Variants in UBE2K observed in about 807,000 individuals in gnomAD.
UBE2K encodes ubiquitin conjugating enzyme E2 K.
In UBE2K, 6 loss-of-function variants were observed where a neutral mutation model predicts 30.0. The observed-to-expected ratio is 0.20, with a 90% CI of 0.11 to 0.39. The LOEUF (loss-of-function observed/expected upper bound fraction) is 0.39, where lower values mean the gene tolerates loss of function less well. UBE2K is among the 10% of genes least tolerant of loss of function. The probability of loss-of-function intolerance (pLI) is 1.00; values close to 1 mark genes in which losing one functional copy is unlikely to be tolerated. For synonymous variants in UBE2K, 86 were observed against 83.7 expected, an observed-to-expected ratio of 1.03 and a Z score of -0.15; for missense variants, 61 against 241.6, an observed-to-expected ratio of 0.25 and a Z score of 4.96.
intron 1 of UBE2K, among the ~76,000 whole-genome samples, chr4:39,728,818 G>GTTTTTTTTTTTTTT (rs150967559): frequency 7.7e-6 from 1 of 129,908 alleles, no homozygotes; most frequent in Non-Finnish European, 1.8e-5. Flanking sequence ...GGTTTTTTTT[G>GTTTTTTTTTTTTTT]TTTTTTTTGT....
intron 4 of UBE2K, among the ~76,000 whole-genome samples, chr4:39,759,229 G>A (rs1315479322): frequency 2.6e-5 from 4 of 152,018 alleles, no homozygotes; most frequent in East Asian, 3.9e-4. Flanking sequence ...ATCTAGGGGT[G>A]ATGATATACC....
chr4:39,701,112 C>T (rs1717985121), intron 1 of UBE2K, among the ~76,000 whole-genome samples: 1 of 151,612 alleles, frequency 6.6e-6, no homozygotes, highest in Admixed American at 6.6e-5. Context: ...TCCCTTAAGA[C>T]AGTGTTTGGA....
intron 1 of UBE2K, among the ~76,000 whole-genome samples, chr4:39,725,120 A>G (rs924701863): frequency 1.3e-5 from 2 of 151,946 alleles, no homozygotes; most frequent in African/African-American, 4.8e-5. Context: ...GTGGCTGACA[A>G]TTGTAATCCC....
In UBE2K at chr4:39,698,314, C is replaced by T. The variant is rs1171688764; in HGVS notation, c.-14C>T. The T allele has an allele frequency of 1.2e-6, 2 of 1,609,748 alleles. No homozygotes were observed. The highest frequency in any genetic ancestry group is 1.7e-5 in the Admixed American group (1 of 59,366). On this transcript the variant is annotated 5_prime_UTR_variant, in exon 1 of 7. Coordinates refer to ENST00000261427, the MANE Select transcript of UBE2K (RefSeq NM_005339.5). ...GGCGGAGGAGGCGGGTACGAATCAG[C>T]TGCGGGCGGAGACATGGCCAACATC... is the stretch of plus-strand genomic sequence containing the variant.
Position 39,714,537 on chromosome 4 carries a change from TATATATATA to T in UBE2K, c.63+16148_63+16156del, listed in dbSNP as rs1207258814. 132 of 43,244 alleles carry T rather than the reference TATATATATA, an allele frequency of 3.1e-3. 18 individuals are homozygous for T. Among genetic ancestry groups the T allele is most frequent in the African/African-American group, 0.024 (127 of 5,188 alleles). 2.7% of individuals were successfully genotyped at this position (43,244 alleles called of 1,614,324 possible). On this transcript the variant is annotated intron_variant, in intron 1 of 6. Transcript: ENST00000261427. Reference sequence around the variant, plus strand: ...AGTTTCATATATATATATATATATATATATATATATATATTTTTTTTTTTTTTTAAGACT... The same window carrying T: ...AGTTTCATATATATATATATATATATTATATTTTTTTTTTTTTTTAAGACT...
chr4:39,737,943 C>T (rs1418959200), intron 2 of UBE2K, among the ~76,000 whole-genome samples: 2 of 152,114 alleles, frequency 1.3e-5, no homozygotes, highest in Non-Finnish European at 2.9e-5. Context: ...CTCATGTCTT[C>T]ATACAGGCTG....
rs548057194 is a variant in UBE2K, at chr4:39,731,901, A to G, written c.64-5519A>G. The stretch of plus-strand genomic sequence containing the variant: ...TGGCTTGACTAGGAAACAAATAATA[A>G]TTTTTTTATATCAATAAGAATTACT... On this transcript the variant is annotated intron_variant, in intron 1 of 6. Coordinates refer to ENST00000261427, the MANE Select transcript of UBE2K (RefSeq NM_005339.5). 2.0e-5 allele frequency among the ~76,000 whole-genome samples: 3 copies of G among 152,256 alleles called. No individual in the cohort carries two copies. In the East Asian group the frequency reaches 5.8e-4, roughly 29 times the overall value.
chr4:39,726,381 G>T (rs7656723), intron 1 of UBE2K, among the ~76,000 whole-genome samples: 19,660 of 151,874 alleles, frequency 0.13, 1,371 homozygotes, highest in East Asian at 0.22. Context: ...TCACCCAGTT[G>T]CTTTTTCTTT....
Position 39,706,471 on chromosome 4 carries a change from C to CTT in UBE2K, c.63+8097_63+8098dup, listed in dbSNP as rs35941407. 4.0e-4 allele frequency among the ~76,000 whole-genome samples: 54 copies of CTT among 133,542 alleles called. 1 individual carries two copies. Among genetic ancestry groups the CTT allele is most frequent in the African/African-American group, 5.8e-4 (21 of 36,458 alleles). 87.6% of individuals were successfully genotyped at this position (133,542 alleles called of 152,430 possible). A position where few individuals can be genotyped will look rare whatever the true frequency, so the allele number is the denominator to read the frequency against. ...AGCCACCATGCCTGGCATGCCTGGA[C>CTT]TTTTTTTTTTTTTTTTTCCCAGATG... is the stretch of plus-strand genomic sequence containing the variant. On this transcript the variant is annotated intron_variant, in intron 1 of 6. Transcript: ENST00000261427.
rs1213482099 is a variant in UBE2K, at chr4:39,752,326, TTTTTTTTTC to T, written c.217-3322_217-3314del. ...CGCCTGGCTAATTTTTTTTTTTTTC[TTTTTTTTTC>T]TTTTTTTTTTTTTTTTTTTGAGACG... On this transcript the variant is annotated intron_variant, in intron 3 of 6. Transcript: ENST00000261427. Among the ~76,000 whole-genome samples, 268 of 95,332 alleles carry T rather than the reference TTTTTTTTTC, an allele frequency of 2.8e-3. 11 individuals carry two copies. Among genetic ancestry groups the T allele is most frequent in the African/African-American group, 0.01 (253 of 25,124 alleles). The allele number at this position is 95,332 out of a possible 152,430, so 62.5% of individuals were successfully genotyped here. A position where few individuals can be genotyped will look rare whatever the true frequency, so the allele number is the denominator to read the frequency against.
At chr4:39,713,286 A>ATTTTTTTTTTTTTTTTTTTTTTTT (rs56104487) in intron 1 of UBE2K, among the ~76,000 whole-genome samples, 2 of 83,582 alleles carry the variant, frequency 2.4e-5, no homozygotes, top group Admixed American at 1.8e-4. Flanking sequence ...TCTGTAGGAA[A>ATTTTTTTTTTTTTTTTTTTTTTTT]TTTTTTTTTT....
At chr4:39,741,252 C>T (rs1488133571) in intron 2 of UBE2K, among the ~76,000 whole-genome samples, 2 of 151,966 alleles carry the variant, frequency 1.3e-5, no homozygotes, top group African/African-American at 4.8e-5. Flanking sequence ...GCCTGGGCGA[C>T]AGAGGGAGAC....
chr4:39,713,165 T>C (rs1198338448), intron 1 of UBE2K, among the ~76,000 whole-genome samples: 1 of 149,916 alleles, frequency 6.7e-6, no homozygotes, highest in Non-Finnish European at 1.5e-5. Flanking sequence ...TGCCCGGCCA[T>C]GTTTACATTC....
intron 1 of UBE2K, among the ~76,000 whole-genome samples, chr4:39,723,283 T>C (rs1578437437): frequency 1.3e-5 from 2 of 148,688 alleles, no homozygotes; most frequent in South Asian, 4.2e-4. Context: ...GCTCAAGCAA[T>C]CCACCTGCCT....
intron 2 of UBE2K, among the ~76,000 whole-genome samples, chr4:39,740,837 T>C (rs1258615497): frequency 5.8e-4 from 76 of 130,264 alleles, no homozygotes; most frequent in African/African-American, 2.2e-3. Context: ...CACTCCAGCC[T>C]GGGCAACAGA....
chr4:39,768,613 T>TTCAAGCGATCTTCCTGCC (rs2109399107), intron 4 of UBE2K, among the ~76,000 whole-genome samples: 1 of 152,100 alleles, frequency 6.6e-6, no homozygotes, highest in East Asian at 1.9e-4. Context: ...AACCCCTGGG[T>TTCAAGCGATCTTCCTGCC]TCAAGCGATC....
At chr4:39,704,511 A>G (rs1204984820) in intron 1 of UBE2K, among the ~76,000 whole-genome samples, 1 of 151,966 alleles carries the variant, frequency 6.6e-6, no homozygotes, top group African/African-American at 2.4e-5. Flanking sequence ...GCGTAGGTTT[A>G]GACACATCTG....
rs1390480227 is a variant in UBE2K at position 39,774,944 on chromosome 4, C to T, written c.399+11C>T. ...GTAGTAGCAAATCAGGTAAGATGGCCGCTTTTGAAAGACTTTCTTATATTA... is the reference window on the plus strand; with the variant it reads ...GTAGTAGCAAATCAGGTAAGATGGCTGCTTTTGAAAGACTTTCTTATATTA... On this transcript the variant is annotated intron_variant, in intron 5 of 6. Coordinates refer to ENST00000261427, the MANE Select transcript of UBE2K (RefSeq NM_005339.5). 3 of 1,580,182 alleles carry T rather than the reference C, an allele frequency of 1.9e-6. No homozygotes were observed. The highest frequency in any genetic ancestry group is 8.6e-7 in the Non-Finnish European group (1 of 1,158,520).
At chr4:39,703,698 T>G (rs1055006943) in intron 1 of UBE2K, among the ~76,000 whole-genome samples, 1 of 151,530 alleles carries the variant, frequency 6.6e-6, no homozygotes, top group African/African-American at 2.4e-5. Context: ...AATACAAAAA[T>G]TAGCCGGGCA....
Sources: gnomAD v4.1 joint callset for allele counts (sites outside exome capture counted in the v4.1 genomes callset) on GRCh38, gnomAD v4.1.1 for gene constraint, MANE v1.5 for transcripts, NCBI Gene and HGNC (gene_info 2026-07-23, HGNC 2026-07-21) for gene names.